Variants in MROH2A observed in about 807,000 individuals in gnomAD.
MROH2A encodes the protein maestro heat like repeat family member 2A.
In MROH2A, 174 loss-of-function variants were observed where a neutral mutation model predicts 200.4. That is an observed-to-expected ratio of 0.87 (90% confidence interval 0.77 to 0.98). The LOEUF (loss-of-function observed/expected upper bound fraction) is 0.98. MROH2A is among the 50% of genes least tolerant of loss of function. The pLI, the probability that MROH2A is intolerant of heterozygous loss-of-function variation, is 0.00. For missense variants in MROH2A, 2,045 were observed against 2,139.6 expected (o/e 0.96, Z 0.87); for synonymous variants, 829 against 840.4 (o/e 0.99, Z 0.23).
intron 22 of MROH2A, 120 bp from the exon 23 acceptor site, chr2:233,810,674 G>C: frequency 7.7e-7 from 1 of 1,292,766 alleles, no homozygotes. Flanking sequence ...ATCTCTCAGA[G>C]CATTCAACAT....
At chr2:233,802,571 T>TCCAGATCCCATCCTTGGGAGCTCCTGGC (rs1702541056) in intron 15 of MROH2A, 6 of 386,774 alleles carry the variant, frequency 1.6e-5, no homozygotes, top group African/African-American at 4.0e-5. Context: ...ACAGCCCTGG[T>TCCAGATCCCATCCTTGGGAGCTCCTGGC]CCAGATCCCA....
intron 22 of MROH2A, among the ~76,000 whole-genome samples, chr2:233,810,206 G>A (rs1396713006): frequency 6.6e-6 from 1 of 152,204 alleles, no homozygotes; most frequent in African/African-American, 2.4e-5. Context: ...TGGTGTATTA[G>A]TTCGTGTTAA....
chr2:233,809,321 C>T (rs1703004508), intron 22 of MROH2A, 43 bp downstream of exon 22: 1 of 1,537,874 alleles, frequency 6.5e-7, no homozygotes. Flanking sequence ...CTGGACCAGG[C>T]TGGTGGGTAG....
Position 233,828,835 on chromosome 2 carries a change from C to T in MROH2A, c.4264-55C>T, listed in dbSNP as rs1704511598. 6.5e-7 allele frequency: 1 copy of T among 1,549,096 alleles called. No individual in the cohort carries two copies. Among genetic ancestry groups the T allele is most frequent in the African/African-American group, 1.4e-5 (1 of 73,034 alleles). On this transcript the variant is annotated intron_variant, in intron 36 of 41. Transcript: ENST00000389758. This position sits in a 1 kb window ranked among gnomAD's most constrained non-coding sequence, Gnocchi z 4.6. ...GGGAGCTGAGGGTGCAGGCCGGGTG[C>T]CCTGGTCAGCCTGGGAGGGAGGGTG...
At chr2:233,831,619 A>G (rs1236389376) in intron 39 of MROH2A, 79 bp downstream of exon 39, 1 of 1,467,230 alleles carries the variant, frequency 6.8e-7, no homozygotes, top group African/African-American at 1.4e-5. Context: ...AGATTGCCAC[A>G]GCTCTTTCTT....
Position 233,800,311 on chromosome 2 carries a change from C to A in MROH2A, c.1556C>A (p.Thr519Asn), listed in dbSNP as rs1270955616. ...KIITSSVSGM[T>N]TEFWVRLLCY... ...ATTACCTCTTCTGTCAGTGGGATGA[C>A]CACCGTGAGTGGGCCCTGCCCCACC... The change falls in exon 14 of 42, where the codon ACC becomes AAC. Residue 519 changes from threonine (T) to asparagine (N), a missense_variant. This residue lies in a region of MROH2A where 831 missense variants were observed against 800.0 expected (regional missense o/e 1.04). Coordinates refer to ENST00000389758, the MANE Select transcript of MROH2A (RefSeq NM_001394639.1). 1.9e-6 allele frequency: 3 copies of A among 1,543,286 alleles called. No homozygotes were observed. The highest frequency in any genetic ancestry group is 2.6e-6 in the Non-Finnish European group (3 of 1,142,376).
chr2:233,809,374 G>A (rs536937204), intron 22 of MROH2A, 96 bp downstream of exon 22: 1,090 of 1,349,616 alleles, frequency 8.1e-4, no homozygotes, highest in Non-Finnish European at 1.0e-3. Flanking sequence ...CCTACCCAGG[G>A]GACATCCAGG....
chr2:233,807,368 C>G lies in MROH2A; in HGVS notation c.2053-55C>G, dbSNP rs537392954. The G allele has an allele frequency of 1.9e-4, 286 of 1,510,250 alleles. 1 individual carries two copies. Among genetic ancestry groups the G allele is most frequent in the Admixed American group, 7.3e-4 (33 of 45,330 alleles). 93.6% of individuals were successfully genotyped at this position (1,510,250 alleles called of 1,614,324 possible). The stretch of plus-strand genomic sequence containing the variant: ...TAGAAAACTCTCTACAACAGCACCC[C>G]CTGAAGGCTGGCTGTAGGGAGGCCT... On this transcript the variant is annotated intron_variant, in intron 19 of 41. Transcript: ENST00000389758. This position sits in a 1 kb window ranked among gnomAD's most constrained non-coding sequence, Gnocchi z 4.3.
rs28900439 is a variant in MROH2A, at chr2:233,804,986, C to T, written c.1945-18C>T. The T allele has an allele frequency of 1.9e-3, 2,895 of 1,509,314 alleles. 57 individuals are homozygous for T. In the African/African-American group the frequency reaches 0.035, roughly 18 times the overall value. The allele number at this position is 1,509,314 out of a possible 1,614,324, so 93.5% of individuals were successfully genotyped here. ...GAAGGCCTTTGGCCCTTCTCACCAA[C>T]GTCTTGTGCCTCCCCAGTTTCTGCG... On this transcript the variant is annotated intron_variant, in intron 18 of 41. Coordinates refer to ENST00000389758, the MANE Select transcript of MROH2A (RefSeq NM_001394639.1).
rs1461743770 is a variant in MROH2A, at chr2:233,810,812, G to C, written c.2467G>C (p.Ala823Pro). ...GGCTCAGGACATCTGTCTCAAAATG[G>C]CCTTCATGAAGAGTGTTGTGCAGGT... is the stretch of plus-strand genomic sequence containing the variant. The part of the protein sequence containing the change: ...SSCQDICLKM[A>P]FMKSVVQVTK... The change falls in exon 23 of 42, where the codon GCC becomes CCC. Residue 823 changes from alanine to proline, a missense_variant. Around this residue, in one of 3 missense-constraint regions of MROH2A, gnomAD observed 1,201 missense variants for 1,311.3 expected, o/e 0.92. Coordinates refer to ENST00000389758, the MANE Select transcript of MROH2A (RefSeq NM_001394639.1). 2 of 1,550,344 alleles carry C rather than the reference G, an allele frequency of 1.3e-6. No individual in the cohort carries two copies. The highest frequency in any genetic ancestry group is 1.7e-6 in the Non-Finnish European group (2 of 1,146,814).
intron 9 of MROH2A, 106 bp from the exon 10 acceptor site, chr2:233,795,861 G>A: frequency 6.5e-7 from 1 of 1,537,082 alleles, no homozygotes; most frequent in Non-Finnish European, 8.8e-7. Flanking sequence ...ATCCTGATGG[G>A]GTATGAGGCT....
chr2:233,781,382 C>T (rs1350977829), intron 3 of MROH2A, among the ~76,000 whole-genome samples: 1 of 152,190 alleles, frequency 6.6e-6, no homozygotes, highest in Non-Finnish European at 1.5e-5. Flanking sequence ...CCTTTCTCCA[C>T]ATCCTTGCTA....
At position 233,818,639 on chromosome 2, in the gene MROH2A, G is replaced by GAA; in HGVS notation, c.3086-13_3086-12insAA. 2.7e-6 allele frequency: 4 copies of GAA among 1,508,110 alleles called. No individual in the cohort carries two copies. The highest frequency in any genetic ancestry group is 3.6e-6 in the Non-Finnish European group (4 of 1,109,806). The allele number at this position is 1,508,110 out of a possible 1,614,324, so 93.4% of individuals were successfully genotyped here. On this transcript the variant is annotated splice_polypyrimidine_tract_variant and intron_variant, in intron 28 of 41. Transcript: ENST00000389758. Reference sequence around the variant, plus strand: ...GTCCCTGCTGGTCATTTCTGAAGTTGTATTCCCGACAGCAAGCCAGACCTG... The same window carrying GAA: ...GTCCCTGCTGGTCATTTCTGAAGTTGAATATTCCCGACAGCAAGCCAGACCTG...
In MROH2A at chr2:233,800,120, C is replaced by T; in HGVS notation, c.1450-85C>T. On this transcript the variant is annotated intron_variant, in intron 13 of 41. Transcript: ENST00000389758. Reference sequence around the variant, plus strand: ...TAGACTCAGTATCTGGGCATGGAGCCCCTGGGGAGTGAGGAGACCACACCT... The same window carrying T: ...TAGACTCAGTATCTGGGCATGGAGCTCCTGGGGAGTGAGGAGACCACACCT... The T allele has an allele frequency of 4.5e-6, 5 of 1,115,876 alleles. No individual in the cohort carries two copies. The South Asian group carries it at 6.1e-5, about 14-fold the overall frequency. 69.1% of individuals were successfully genotyped at this position (1,115,876 alleles called of 1,614,324 possible).
In MROH2A at chr2:233,799,843, A is replaced by G. The variant is rs1248826582; in HGVS notation, c.1393A>G (p.Lys465Glu). The G allele has an allele frequency of 6.4e-7, 1 of 1,550,546 alleles. No individual in the cohort carries two copies. Among genetic ancestry groups the G allele is most frequent in the South Asian group, 1.2e-5 (1 of 84,052 alleles). The change falls in exon 13 of 42, where the codon AAA becomes GAA. Residue 465 changes from lysine (K) to glutamate (E), a missense_variant. Physicochemically the swap from Lys to Glu is moderately conservative, Grantham distance 56 (BLOSUM62 1). Transcript: ENST00000389758. The part of the protein sequence containing the change: ...LALCGYQERI[K>E]GWGLKYLSVQ... ...TCTCTGTGGCTACCAGGAGAGAATC[A>G]AAGGCTGGGGCCTGAAGTACCTGTC...
At chr2:233,788,829 C>G (rs926727634) in intron 3 of MROH2A, among the ~76,000 whole-genome samples, 6 of 151,136 alleles carry the variant, frequency 4.0e-5, no homozygotes, top group Non-Finnish European at 8.8e-5. Context: ...GTCCCAGCTA[C>G]TCGGGAGGCT....
chr2:233,789,541 C>T lies in MROH2A; in HGVS notation c.321C>T (p.Asp107=). The T allele has an allele frequency of 6.7e-7, 1 of 1,484,856 alleles. No individual in the cohort carries two copies. The highest frequency in any genetic ancestry group is 9.0e-7 in the Non-Finnish European group (1 of 1,117,234). The allele number at this position is 1,484,856 out of a possible 1,614,324, so 92.0% of individuals were successfully genotyped here. Residue 107 remains aspartate, a synonymous_variant, in exon 4 of 42, where the codon GAC becomes GAT. Transcript: ENST00000389758. ...TCAACATTTACAACATCCTCCAGGA[C>T]ATCATCCAGCAGGAGGGGGAGCTGG... The part of the protein sequence containing the change: ...RKVNIYNILQ[D]IIQQEGELEE...
chr2:233,832,299 C>T lies in MROH2A; in HGVS notation c.4837+20C>T, dbSNP rs1204431323. Reference sequence around the variant, plus strand: ...TGGCAGGTGAGCAGAGAGACGTCTCCTGACTCAAGATAGACTTTGAAGGCC... The same window carrying T: ...TGGCAGGTGAGCAGAGAGACGTCTCTTGACTCAAGATAGACTTTGAAGGCC... On this transcript the variant is annotated intron_variant, in intron 40 of 41. Coordinates refer to ENST00000389758, the MANE Select transcript of MROH2A (RefSeq NM_001394639.1). 5 of 1,546,698 alleles carry T rather than the reference C, an allele frequency of 3.2e-6. No individual in the cohort carries two copies. The highest frequency in any genetic ancestry group is 4.4e-6 in the Non-Finnish European group (5 of 1,144,104).
In MROH2A at chr2:233,796,297, T is replaced by G; in HGVS notation, c.1236T>G (p.Ala412=). Residue 412 remains alanine, a synonymous_variant, in exon 11 of 42, where the codon GCT becomes GCG. Transcript: ENST00000389758. ...VRVGTLNLIR[A]IVSADEPRMS... ...TGGGGACTCTGAATCTGATTAGGGC[T>G]ATAGTGAGCGCAGATGGTGAGCAAG... 7.5e-7 allele frequency: 1 copy of G among 1,340,888 alleles called. No individual in the cohort carries two copies. Among genetic ancestry groups the G allele is most frequent in the Non-Finnish European group, 9.8e-7 (1 of 1,024,064 alleles). The allele number at this position is 1,340,888 out of a possible 1,614,324, so 83.1% of individuals were successfully genotyped here.
Sources: gnomAD v4.1 joint callset for allele counts (sites outside exome capture counted in the v4.1 genomes callset) on GRCh38, gnomAD v4.1.1 for gene constraint, gnomAD v4.1.1 regional missense constraint, Gnocchi (gnomAD v3.1) non-coding constraint, MANE v1.5 for transcripts, NCBI Gene and HGNC (gene_info 2026-07-23, HGNC 2026-07-21) for gene names.